CTNNA3: variants seen among roughly 807,000 people sequenced by gnomAD.
CTNNA3 encodes the protein catenin alpha 3, also known as catenin alpha-3.
Under a neutral mutation model 95.7 loss-of-function variants are expected in CTNNA3, and 76 were observed. The observed-to-expected ratio is 0.79, with a 90% CI of 0.66 to 0.96. The LOEUF is 0.96. Ranked by LOEUF, CTNNA3 falls within the 40% of genes least tolerant of loss-of-function variation. The pLI is 0.00. For missense variants in CTNNA3, 1,191 were observed against 1,089.8 expected, an observed-to-expected ratio of 1.09 and a Z score of -1.31; for synonymous variants, 431 against 374.4, an observed-to-expected ratio of 1.15 and a Z score of -1.74.
chr10:66,719,481 G>A (rs759311065), intron 9 of CTNNA3, among the ~76,000 whole-genome samples: 6 of 152,080 alleles, frequency 3.9e-5, no homozygotes, highest in Non-Finnish European at 8.8e-5. Flanking sequence ...TTTAGTATCA[G>A]CCTGCAGTAA....
At chr10:67,391,642 T>A (rs1187048939) in intron 5 of CTNNA3, among the ~76,000 whole-genome samples, 6 of 150,532 alleles carry the variant, frequency 4.0e-5, no homozygotes, top group African/African-American at 7.3e-5. Context: ...TCACACTACC[T>A]GACTTCAAAC....
At chr10:67,355,741 G>A (rs1842786423) in intron 5 of CTNNA3, among the ~76,000 whole-genome samples, 2 of 152,042 alleles carry the variant, frequency 1.3e-5, no homozygotes, top group South Asian at 4.1e-4. Flanking sequence ...ATAATACAAA[G>A]CTATCATCGT....
chr10:66,337,088 C>G (rs1022444722), intron 12 of CTNNA3, among the ~76,000 whole-genome samples: 1 of 151,816 alleles, frequency 6.6e-6, no homozygotes, highest in Non-Finnish European at 1.5e-5. Flanking sequence ...TATTTTGTTT[C>G]TAAACATATA....
intron 11 of CTNNA3, among the ~76,000 whole-genome samples, chr10:66,434,975 C>T (rs987452616): frequency 1.3e-5 from 2 of 151,940 alleles, no homozygotes; most frequent in East Asian, 1.9e-4. Flanking sequence ...TTGAACCATC[C>T]TTGCATCCTG....
Position 67,714,880 on chromosome 10 carries a change from C to A in CTNNA3, c.-2+48554G>T, listed in dbSNP as rs571958367. On this transcript the variant is annotated intron_variant, in intron 1 of 17. Coordinates refer to the CTNNA3 transcript ENST00000684154. ...AAAGGAAAGTTTCCCTGCACAAGTTCTCTTCTCTTATCTGCCACCATGTGA... is the reference window on the plus strand; with the variant it reads ...AAAGGAAAGTTTCCCTGCACAAGTTATCTTCTCTTATCTGCCACCATGTGA... Among the ~76,000 whole-genome samples the A allele has an allele frequency of 2.0e-5, 3 of 152,316 alleles. No homozygotes were observed. In the South Asian group the frequency reaches 6.2e-4, roughly 32 times the overall value.
intron 11 of CTNNA3, among the ~76,000 whole-genome samples, chr10:66,491,273 C>A (rs778569953): frequency 3.2e-4 from 49 of 152,222 alleles, no homozygotes; most frequent in Middle Eastern, 6.8e-3. Flanking sequence ...TTTATTCATT[C>A]TACACATATT....
At chr10:66,852,044 G>C (rs1843517191) in intron 7 of CTNNA3, among the ~76,000 whole-genome samples, 1 of 152,006 alleles carries the variant, frequency 6.6e-6, no homozygotes, top group African/African-American at 2.4e-5. Flanking sequence ...AGCCAAGGTG[G>C]AGCCCAGGAA....
rs992241834 is a variant in CTNNA3 at position 66,333,322 on chromosome 10, G to A, written c.1732+45830C>T. ...TCTAGTTCTTTTCATTGTGATGTTA[G>A]GGTGTCAATTTTAGATCTTTCCTGC... is the stretch of plus-strand genomic sequence containing the variant. On this transcript the variant is annotated intron_variant, in intron 12 of 17. Coordinates refer to ENST00000433211, the MANE Select transcript of CTNNA3 (RefSeq NM_013266.4). 3.9e-5 allele frequency among the ~76,000 whole-genome samples: 6 copies of A among 151,954 alleles called. 1 individual carries two copies. The highest frequency in any genetic ancestry group is 7.2e-5 in the African/African-American group (3 of 41,388).
chr10:66,434,701 A>G (rs1478815093), intron 11 of CTNNA3, among the ~76,000 whole-genome samples: 2 of 152,182 alleles, frequency 1.3e-5, no homozygotes, highest in African/African-American at 4.8e-5. Context: ...GAGTAGTGAG[A>G]GAGGGCATCC....
Position 67,350,177 on chromosome 10 carries a change from C to T in CTNNA3, c.580-130307G>A, listed in dbSNP as rs192819223. Among the ~76,000 whole-genome samples, 4 of 152,158 alleles carry T rather than the reference C, an allele frequency of 2.6e-5. No individual in the cohort carries two copies. The East Asian group carries it at 5.8e-4, about 22-fold the overall frequency. On this transcript the variant is annotated intron_variant, in intron 5 of 17. Coordinates refer to ENST00000433211, the MANE Select transcript of CTNNA3 (RefSeq NM_013266.4). ...TAATCTGTCAAGGTCACTCAGCTAGCGTGTGGCAGAGCTGAGAATAAAACC... is the reference window on the plus strand; with the variant it reads ...TAATCTGTCAAGGTCACTCAGCTAGTGTGTGGCAGAGCTGAGAATAAAACC...
chr10:66,536,256 C>T (rs187028269), intron 10 of CTNNA3, among the ~76,000 whole-genome samples: 2 of 151,726 alleles, frequency 1.3e-5, no homozygotes, highest in African/African-American at 4.8e-5. Flanking sequence ...TCAAGGTGGG[C>T]AGATCACCTC....
At chr10:66,276,358 T>A (rs1267961694) in intron 13 of CTNNA3, among the ~76,000 whole-genome samples, 8 of 152,130 alleles carry the variant, frequency 5.3e-5, no homozygotes, top group Non-Finnish European at 1.0e-4. Context: ...TGTTTCTTTT[T>A]GTGAGGATAC....
chr10:65,912,713 T>C lies in CTNNA3; in HGVS notation c.*7617A>G. On this transcript the variant is annotated 3_prime_UTR_variant, in exon 18 of 18. Coordinates refer to ENST00000433211, the MANE Select transcript of CTNNA3 (RefSeq NM_013266.4). ...TAAGAGCACAACTAAAAAAAATCATTGATTCAGTTAAACACAAAAGACATG... is the reference window on the plus strand; with the variant it reads ...TAAGAGCACAACTAAAAAAAATCATCGATTCAGTTAAACACAAAAGACATG... The C allele has an allele frequency of 6.6e-6, 1 of 152,302 alleles. No individual in the cohort carries two copies. 9.4% of individuals were successfully genotyped at this position (152,302 alleles called of 1,614,324 possible). A position where few individuals can be genotyped will look rare whatever the true frequency, so the allele number is the denominator to read the frequency against.
intron 11 of CTNNA3, among the ~76,000 whole-genome samples, chr10:66,512,049 G>T (rs941171715): frequency 6.6e-6 from 1 of 151,772 alleles, no homozygotes; most frequent in Non-Finnish European, 1.5e-5. Flanking sequence ...ATATCTGAGT[G>T]CTCTGGTGTT....
intron 1 of CTNNA3, among the ~76,000 whole-genome samples, chr10:67,692,204 C>G (rs928286895): frequency 3.1e-4 from 47 of 150,838 alleles, no homozygotes; most frequent in Admixed American, 2.5e-3. Context: ...AAGTGAGGAG[C>G]CCCTCTGCCC....
At chr10:66,538,282 A>C in intron 10 of CTNNA3, among the ~76,000 whole-genome samples, 1 of 152,180 alleles carries the variant, frequency 6.6e-6, no homozygotes, top group East Asian at 1.9e-4. Context: ...CATAAAAATC[A>C]ACAGAAGCCT....
chr10:67,419,893 C>T (rs2132864028), intron 5 of CTNNA3, among the ~76,000 whole-genome samples: 1 of 152,152 alleles, frequency 6.6e-6, no homozygotes, highest in East Asian at 1.9e-4. Context: ...GCTCTGTCGC[C>T]CAGGCTGGAG....
chr10:67,477,124 G>A (rs1042284611), intron 5 of CTNNA3, among the ~76,000 whole-genome samples: 2 of 152,098 alleles, frequency 1.3e-5, no homozygotes, highest in Admixed American at 1.3e-4. Context: ...CACCCAGGCA[G>A]ATCTCAAGGA....
At chr10:66,971,607 A>C (rs1026506434) in intron 7 of CTNNA3, among the ~76,000 whole-genome samples, 1 of 152,138 alleles carries the variant, frequency 6.6e-6, no homozygotes, top group African/African-American at 2.4e-5. Context: ...TATGTAATGC[A>C]CCTAGTAGAG....
Sources: allele counts gnomAD v4.1 joint callset (sites outside exome capture counted in the v4.1 genomes callset), GRCh38; gene constraint gnomAD v4.1.1; transcripts MANE v1.5; gene names NCBI Gene and HGNC (gene_info 2026-07-23, HGNC 2026-07-21).